Variants in TTF1 observed in about 807,000 individuals in gnomAD.
TTF1 encodes the protein transcription termination factor 1, also known as transcription termination factor, RNA polymerase I.
Under a neutral mutation model 80.2 loss-of-function variants are expected in TTF1, and 64 were observed. The observed-to-expected ratio is 0.80, with a 90% CI of 0.65 to 0.98. The LOEUF (loss-of-function observed/expected upper bound fraction) is 0.98, where lower values mean the gene tolerates loss of function less well. Ranked by LOEUF, TTF1 falls within the 50% of genes least tolerant of loss-of-function variation. TTF1 has a pLI of 0.00. For missense variants in TTF1, 1,023 were observed against 1,086.2 expected (o/e 0.94, Z 0.82); for synonymous variants, 372 against 382.7 (o/e 0.97, Z 0.33).
chr9:132,394,545 G>T (rs548809710), intron 5 of TTF1, among the ~76,000 whole-genome samples: 1 of 152,204 alleles, frequency 6.6e-6, no homozygotes, highest in East Asian at 2.0e-4. Context: ...CTCTCAAAGT[G>T]CTGGGAATTA....
chr9:132,382,801 C>T (rs1193613474), intron 9 of TTF1, among the ~76,000 whole-genome samples: 3 of 149,984 alleles, frequency 2.0e-5, no homozygotes, highest in Admixed American at 6.7e-5. Flanking sequence ...TGTGGTGGCT[C>T]ACGCCTGTAA....
At chr9:132,394,024 C>T (rs1166304) in intron 5 of TTF1, among the ~76,000 whole-genome samples, 129,725 of 151,640 alleles carry the variant, frequency 0.86, 56,528 homozygotes, top group East Asian at 0.97. Flanking sequence ...TGGGATCAAG[C>T]GATCCTCCCA....
chr9:132,380,236 A>C (rs903342617), intron 9 of TTF1, among the ~76,000 whole-genome samples: 1 of 151,904 alleles, frequency 6.6e-6, no homozygotes, highest in Non-Finnish European at 1.5e-5. Flanking sequence ...CGCCCAGCTA[A>C]ATTTTTGTAT....
intron 10 of TTF1, among the ~76,000 whole-genome samples, chr9:132,377,992 G>A (rs1421611159): frequency 7.6e-6 from 1 of 132,278 alleles, no homozygotes; most frequent in Non-Finnish European, 1.6e-5. Flanking sequence ...TGTGGTGTGA[G>A]TGCATGTGGT....
chr9:132,392,186 TCAGTATCTCCTTCGCTATACCTAG>T lies in TTF1; in HGVS notation c.1857-4_1876del. 6.2e-7 allele frequency: 1 copy of T among 1,614,214 alleles called. No individual in the cohort carries two copies. Among genetic ancestry groups the T allele is most frequent in the Non-Finnish European group, 8.5e-7 (1 of 1,180,032 alleles). ...GAGAGAATGGTACATCTTTAACTTC[TCAGTATCTCCTTCGCTATACCTAG>T]GAGAAAGGGAAAATGTTTTACAAGT... On this transcript the variant is annotated splice_acceptor_variant and splice_polypyrimidine_tract_variant and coding_sequence_variant and intron_variant, in exon 6 of 11. Transcript: ENST00000334270. LOFTEE classifies it high-confidence loss of function.
At chr9:132,377,907 CATGT>C (rs1849256879) in intron 10 of TTF1, among the ~76,000 whole-genome samples, 1 of 95,780 alleles carries the variant, frequency 1.0e-5, no homozygotes, top group Non-Finnish European at 1.9e-5. Context: ...GGTGTGAGTG[CATGT>C]GTGTGTGAGT....
rs78198365 is a variant in TTF1 at position 132,378,719 on chromosome 9, T to G, written c.2464+340A>C. ...GCATGTGGTGTGAGTGCATGTGGTG[T>G]GTGTGAGTGCTTGCATGTGGTGTGG... is the stretch of plus-strand genomic sequence containing the variant. On this transcript the variant is annotated intron_variant, in intron 10 of 10. Transcript: ENST00000334270. Among the ~76,000 whole-genome samples the G allele has an allele frequency of 7.3e-3, 1,087 of 148,626 alleles. 8 individuals carry two copies. The highest frequency in any genetic ancestry group is 0.024 in the South Asian group (116 of 4,774).
In TTF1 at chr9:132,402,560, T is replaced by C. The variant is rs1849787041; in HGVS notation, c.262A>G (p.Lys88Glu). The C allele has an allele frequency of 6.2e-7, 1 of 1,614,206 alleles. No homozygotes were observed. Among genetic ancestry groups the C allele is most frequent in the East Asian group, 2.2e-5 (1 of 44,882 alleles). Reference sequence around the variant, plus strand: ...ACCTCCAAAGCACTATATCTTCTCTTTTTTCTCTTTTTGAGTGTGGAAGTG... The same window carrying C: ...ACCTCCAAAGCACTATATCTTCTCTCTTTTCTCTTTTTGAGTGTGGAAGTG... ...NATSTLKKRK[K>E]RRYSALEVDE... The change falls in exon 2 of 11, where the codon AAG becomes GAG. Residue 88 changes from lysine (K) to glutamate (E), a missense_variant. Physicochemically the swap from Lys to Glu is moderately conservative, Grantham distance 56. Coordinates refer to ENST00000334270, the MANE Select transcript of TTF1 (RefSeq NM_007344.4).
In TTF1 at chr9:132,402,738, T is replaced by C; in HGVS notation, c.84A>G (p.Arg28=). ...AAATTTCGTGGGAATGTTTCTGAGG[T>C]CTTTCCTTATGTATAGAACACTTTT... is the stretch of plus-strand genomic sequence containing the variant. ...KKKKCSIHKE[R]PQKHSHEIFR... Residue 28 remains arginine, a synonymous_variant, in exon 2 of 11, where the codon AGA becomes AGG. Transcript: ENST00000334270. 6.2e-7 allele frequency: 1 copy of C among 1,613,966 alleles called. No individual in the cohort carries two copies. Among genetic ancestry groups the C allele is most frequent in the Non-Finnish European group, 8.5e-7 (1 of 1,180,004 alleles).
At chr9:132,405,919 T>G (rs1849857557) in intron 1 of TTF1, among the ~76,000 whole-genome samples, 1 of 152,228 alleles carries the variant, frequency 6.6e-6, no homozygotes. Flanking sequence ...GGTCCAAGTA[T>G]GAAAGCCACT....
rs1335012916 is a variant in TTF1 at position 132,402,092 on chromosome 9, T to G, written c.730A>C (p.Arg244=). ...LAMPEGSQAG[R]EAGTDMQESQ... ...TCCTGCATATCAGTCCCGGCCTCTC[T>G]GCCTGCTTGCGATCCTTCAGGCATG... The change falls in exon 2 of 11, where the codon AGA becomes CGA. Residue 244 remains arginine, a synonymous_variant. Coordinates refer to ENST00000334270, the MANE Select transcript of TTF1 (RefSeq NM_007344.4). 1 of 1,614,138 alleles carries G rather than the reference T, an allele frequency of 6.2e-7. No individual in the cohort carries two copies. Among genetic ancestry groups the G allele is most frequent in the Admixed American group, 1.7e-5 (1 of 60,000 alleles).
chr9:132,401,356 A>G (rs1413110936), intron 2 of TTF1, 99 bp downstream of exon 2: 2 of 1,076,554 alleles, frequency 1.9e-6, no homozygotes, highest in East Asian at 6.5e-5. Flanking sequence ...AATAAAAATA[A>G]AATTAAAAAT....
chr9:132,401,439 ACCACTC>A lies in TTF1; in HGVS notation c.1367+10_1367+15del, dbSNP rs755375637. ...AAAGAAATATACCAGCAGCTGGAAT[ACCACTC>A]CCTCGTTACCTTGGCGCCTCTTGCA... On this transcript the variant is annotated intron_variant, in intron 2 of 10. Transcript: ENST00000334270. The A allele has an allele frequency of 2.5e-6, 4 of 1,586,126 alleles. No homozygotes were observed. Among genetic ancestry groups the A allele is most frequent in the Non-Finnish European group, 3.4e-6 (4 of 1,165,862 alleles).
rs371098655 is a variant in TTF1, at chr9:132,386,666, T to C, written c.2313-45A>G. 1,622 of 1,521,280 alleles carry C rather than the reference T, an allele frequency of 1.1e-3. 28 individuals carry two copies. The highest frequency in any genetic ancestry group is 7.5e-4 in the Admixed American group (44 of 58,802). 94.2% of individuals were successfully genotyped at this position (1,521,280 alleles called of 1,614,324 possible). A position where few individuals can be genotyped will look rare whatever the true frequency, so the allele number is the denominator to read the frequency against. On this transcript the variant is annotated intron_variant, in intron 8 of 10. Coordinates refer to ENST00000334270, the MANE Select transcript of TTF1 (RefSeq NM_007344.4). Reference sequence around the variant, plus strand: ...TTAAATTTTCAAGCAAAAATAATCATGATAGCCATCTTCATGGACGCGTGG... The same window carrying C: ...TTAAATTTTCAAGCAAAAATAATCACGATAGCCATCTTCATGGACGCGTGG...
rs1472151402 is a variant in TTF1, at chr9:132,400,240, T to C, written c.1386A>G (p.Glu462=). ...QEAPRLEPAN[E]EHNVETAEDS... ...CTTCAGCTGTTTCCACATTGTGTTC[T>C]TCATTTGCAGGTTCTAACCTAAGGG... Residue 462 remains glutamate, a synonymous_variant, in exon 3 of 11, where the codon GAA becomes GAG. Coordinates refer to ENST00000334270, the MANE Select transcript of TTF1 (RefSeq NM_007344.4). 2.5e-6 allele frequency: 4 copies of C among 1,614,114 alleles called. No individual in the cohort carries two copies. The African/African-American group carries it at 4.0e-5, about 16-fold the overall frequency.
At chr9:132,401,092 G>A (rs1161896180) in intron 2 of TTF1, among the ~76,000 whole-genome samples, 1 of 152,214 alleles carries the variant, frequency 6.6e-6, no homozygotes, top group Non-Finnish European at 1.5e-5. Context: ...CACTTTGGGA[G>A]GCTGAGGCAG....
chr9:132,388,428 C>G (rs1276102631), intron 7 of TTF1, among the ~76,000 whole-genome samples, 200 bp from the exon 8 acceptor site: 1 of 151,990 alleles, frequency 6.6e-6, no homozygotes, highest in Non-Finnish European at 1.5e-5. Flanking sequence ...CCTCCACCTT[C>G]CGGGTTCAAG....
chr9:132,405,457 C>T (rs1007505317), intron 1 of TTF1, among the ~76,000 whole-genome samples: 1 of 152,226 alleles, frequency 6.6e-6, no homozygotes, highest in Non-Finnish European at 1.5e-5. Flanking sequence ...ACCCACCTGC[C>T]TCGGCCTCTC....
Position 132,379,157 on chromosome 9 carries a change from A to G in TTF1, c.2379-13T>C. ...TGGAGGAACATCACTTTAGAAAAGG[A>G]AAGAAAAGATAAAAAGCAAGTTAGT... On this transcript the variant is annotated splice_polypyrimidine_tract_variant and intron_variant, in intron 9 of 10. Coordinates refer to ENST00000334270, the MANE Select transcript of TTF1 (RefSeq NM_007344.4). 6.3e-7 allele frequency: 1 copy of G among 1,588,560 alleles called. No individual in the cohort carries two copies. Among genetic ancestry groups the G allele is most frequent in the Non-Finnish European group, 8.6e-7 (1 of 1,168,164 alleles).
Sources: allele counts gnomAD v4.1 joint callset (sites outside exome capture counted in the v4.1 genomes callset), GRCh38; gene constraint gnomAD v4.1.1; transcripts MANE v1.5; gene names NCBI Gene and HGNC (gene_info 2026-07-23, HGNC 2026-07-21).